Variants in LRRTM4 observed in about 807,000 individuals in gnomAD.
The protein encoded by LRRTM4 is leucine-rich repeat transmembrane neuronal protein 4.
Under a neutral mutation model 47.6 loss-of-function variants are expected in LRRTM4, and 25 were observed. The observed-to-expected ratio is 0.53, with a 90% CI of 0.38 to 0.73. The LOEUF is 0.73. LRRTM4 is among the 30% of genes least tolerant of loss of function. The pLI is 0.00. For missense variants in LRRTM4, 638 were observed against 713.4 expected (o/e 0.89, Z 1.20); for synonymous variants, 311 against 269.5 (o/e 1.15, Z -1.51).
At chr2:76,987,606 C>A (rs1676848669) in intron 3 of LRRTM4, 1 of 151,798 alleles carries the variant, frequency 6.6e-6, no homozygotes, top group Admixed American at 6.6e-5. Context: ...ATTTCAATGG[C>A]TTAATATTGT....
At chr2:76,964,409 C>G (rs1317674217) in intron 3 of LRRTM4, among the ~76,000 whole-genome samples, 1 of 150,848 alleles carries the variant, frequency 6.6e-6, no homozygotes, top group Non-Finnish European at 1.5e-5. Flanking sequence ...CAGAGTATTC[C>G]TATACTATCA....
intron 3 of LRRTM4, among the ~76,000 whole-genome samples, chr2:77,118,731 T>C (rs1225671745): frequency 6.6e-6 from 1 of 151,980 alleles, no homozygotes; most frequent in East Asian, 1.9e-4. Flanking sequence ...TTGTTATTCA[T>C]TAATCATTTG....
chr2:76,965,835 A>C (rs1676006657), intron 3 of LRRTM4, among the ~76,000 whole-genome samples: 2 of 151,490 alleles, frequency 1.3e-5, no homozygotes, highest in South Asian at 4.1e-4. Context: ...ACAATTAAAA[A>C]CTATGCAAAT....
At chr2:77,032,309 C>G (rs912997006) in intron 3 of LRRTM4, among the ~76,000 whole-genome samples, 1 of 152,092 alleles carries the variant, frequency 6.6e-6, no homozygotes, top group Non-Finnish European at 1.5e-5. Flanking sequence ...AGAGGTTAGT[C>G]TAATCATCTC....
At chr2:76,841,820 C>A (rs1279803070) in intron 3 of LRRTM4, among the ~76,000 whole-genome samples, 1 of 151,894 alleles carries the variant, frequency 6.6e-6, no homozygotes, top group Admixed American at 6.6e-5. Flanking sequence ...ATACTAGAAA[C>A]TGAAGAACTA....
chr2:77,003,314 T>C (rs191853999), intron 3 of LRRTM4, among the ~76,000 whole-genome samples: 2 of 152,250 alleles, frequency 1.3e-5, no homozygotes, highest in Admixed American at 1.3e-4. Flanking sequence ...TAACTACTTA[T>C]GTAGAGCTTA....
chr2:76,958,286 A>C (rs1255414074), intron 3 of LRRTM4, among the ~76,000 whole-genome samples: 3 of 151,780 alleles, frequency 2.0e-5, no homozygotes, highest in Admixed American at 1.3e-4. Context: ...AAACTATGAC[A>C]GAAACTCTTG....
chr2:77,206,686 G>A (rs1674136435), intron 3 of LRRTM4, among the ~76,000 whole-genome samples: 1 of 152,004 alleles, frequency 6.6e-6, no homozygotes, highest in African/African-American at 2.4e-5. Context: ...GTTTCAACAT[G>A]TTGGCCAGGC....
At chr2:76,892,029 C>T (rs985606630) in intron 3 of LRRTM4, among the ~76,000 whole-genome samples, 8 of 151,344 alleles carry the variant, frequency 5.3e-5, no homozygotes, top group Non-Finnish European at 7.4e-5. Flanking sequence ...AGCCTGTATC[C>T]GGTATACTGT....
chr2:77,485,158 T>C (rs1480066362), intron 3 of LRRTM4, among the ~76,000 whole-genome samples: 1 of 151,898 alleles, frequency 6.6e-6, no homozygotes, highest in Non-Finnish European at 1.5e-5. Flanking sequence ...AAATATAAAA[T>C]ATAAATATAA....
chr2:76,941,511 G>A (rs1440598244), intron 3 of LRRTM4, among the ~76,000 whole-genome samples: 1 of 147,454 alleles, frequency 6.8e-6, no homozygotes, highest in Non-Finnish European at 1.5e-5. Flanking sequence ...TCCCCTCCCT[G>A]TGCTCGTATG....
chr2:76,928,286 T>G lies in LRRTM4; in HGVS notation c.1552-179370A>C, dbSNP rs187533123. 1.8e-3 allele frequency among the ~76,000 whole-genome samples: 272 copies of G among 152,328 alleles called. 7 individuals are homozygous for G. Among genetic ancestry groups the G allele is most frequent in the Non-Finnish European group, 2.9e-4 (20 of 68,034 alleles). On this transcript the variant is annotated intron_variant, in intron 3 of 3. Coordinates refer to ENST00000409884, the MANE Select transcript of LRRTM4 (RefSeq NM_001134745.3). ...AGTTCTCTATTTTGACTGTCAGTTCTCTCATTTAAAACATTAAAAGTGGTA... is the reference window on the plus strand; with the variant it reads ...AGTTCTCTATTTTGACTGTCAGTTCGCTCATTTAAAACATTAAAAGTGGTA...
intron 3 of LRRTM4, among the ~76,000 whole-genome samples, chr2:76,879,594 T>C (rs2104099666): frequency 6.6e-6 from 1 of 152,252 alleles, no homozygotes; most frequent in African/African-American, 2.4e-5. Flanking sequence ...TGCAAGAAAA[T>C]TAACATTGTT....
intron 3 of LRRTM4, among the ~76,000 whole-genome samples, chr2:77,313,397 C>CAT (rs1573237220): frequency 1.6e-4 from 25 of 152,122 alleles, no homozygotes; most frequent in South Asian, 1.0e-3. Flanking sequence ...CTGTGATGTG[C>CAT]CTCCCTACGT....
chr2:77,341,104 C>T (rs1445545299), intron 3 of LRRTM4, among the ~76,000 whole-genome samples: 1 of 151,898 alleles, frequency 6.6e-6, no homozygotes, highest in Admixed American at 6.6e-5. Context: ...TACTCAAACT[C>T]CTTTATTAAT....
chr2:77,139,964 G>C (rs1672070456), intron 3 of LRRTM4, among the ~76,000 whole-genome samples: 1 of 152,044 alleles, frequency 6.6e-6, no homozygotes, highest in Non-Finnish European at 1.5e-5. Context: ...ACTTCTCAAT[G>C]AAATAAAAGA....
At chr2:77,480,814 GTGTGTGTGGAGAGAGAGAGAGA>G (rs1677653257) in intron 3 of LRRTM4, among the ~76,000 whole-genome samples, 1 of 130,822 alleles carries the variant, frequency 7.6e-6, no homozygotes, top group Admixed American at 8.6e-5. Context: ...GTGTGTGTGT[GTGTGTGTGGAGAGAGAGAGAGA>G]GAGAGAGAGA....
intron 3 of LRRTM4, among the ~76,000 whole-genome samples, chr2:76,911,014 T>C (rs1674034819): frequency 6.6e-6 from 1 of 152,234 alleles, no homozygotes; most frequent in African/African-American, 2.4e-5. Context: ...CCATCTAAAG[T>C]GGCCAACTTT....
chr2:77,040,479 G>C (rs937932958), intron 3 of LRRTM4, among the ~76,000 whole-genome samples: 1 of 151,402 alleles, frequency 6.6e-6, no homozygotes, highest in African/African-American at 2.4e-5. Context: ...TTAGTAAAGA[G>C]AGAGAGAGAA....
Sources: gnomAD v4.1 joint callset for allele counts (sites outside exome capture counted in the v4.1 genomes callset) on GRCh38, gnomAD v4.1.1 for gene constraint, MANE v1.5 for transcripts, NCBI Gene and HGNC (gene_info 2026-07-23, HGNC 2026-07-21) for gene names.